The following SATL1 variants were observed in gnomAD, a reference collection of about 807,000 sequenced individuals.
SATL1 encodes the protein spermidine/spermine N(1)-acetyltransferase-like protein 1.
SATL1 carries 47 observed loss-of-function variants against 51.8 expected under a neutral mutation model. The observed-to-expected ratio is 0.91, with a 90% CI of 0.72 to 1.16. The LOEUF is 1.16. Ranked by LOEUF, SATL1 falls within the 50% of genes most tolerant of loss-of-function variation. SATL1 has a pLI of 0.00. For missense variants in SATL1, 520 were observed against 526.4 expected (o/e 0.99, Z 0.12); for synonymous variants, 176 against 182.4 (o/e 0.97, Z 0.28).
chrX:85,095,068 A>G, intron 4 of SATL1, 72 bp from the exon 5 acceptor site: 1 of 581,596 alleles, frequency 1.7e-6, no homozygotes, highest in Non-Finnish European at 2.9e-6. Context: ...GATAGGAAGC[A>G]CTAGGAATTT....
In SATL1 at chrX:85,161,693, G is replaced by C. The variant is rs1174373741; in HGVS notation, c.-312-52413C>G. Among the ~76,000 whole-genome samples the C allele has an allele frequency of 2.7e-5, 3 of 110,693 alleles. No homozygotes were observed. In the East Asian group the frequency reaches 8.5e-4, roughly 31 times the overall value. ...GCAGGTTCTTAGAGACCTACAAAGA[G>C]ACTTAAACTCCCACATAATAATAAT... On this transcript the variant is annotated intron_variant, in intron 2 of 7. Transcript: ENST00000644105.
intron 2 of SATL1, among the ~76,000 whole-genome samples, chrX:85,216,877 G>A (rs1158855452): frequency 1.8e-5 from 2 of 111,745 alleles, no homozygotes; most frequent in African/African-American, 6.5e-5. Context: ...CTTTAAAGAG[G>A]ACTAAAATTG....
intron 2 of SATL1, among the ~76,000 whole-genome samples, chrX:85,176,854 T>C (rs1656377021): frequency 9.0e-6 from 1 of 111,377 alleles, no homozygotes. Flanking sequence ...AATAAAAGTA[T>C]GTTTTAAAAG....
intron 3 of SATL1, among the ~76,000 whole-genome samples, chrX:85,104,802 A>T (rs1291756851): frequency 1.8e-5 from 2 of 111,764 alleles, no homozygotes; most frequent in African/African-American, 6.5e-5. Flanking sequence ...ATATTATGTA[A>T]ATAGTTATAC....
chrX:85,137,194 G>T (rs1281786171), intron 2 of SATL1, among the ~76,000 whole-genome samples: 1 of 111,509 alleles, frequency 9.0e-6, no homozygotes, highest in Non-Finnish European at 1.9e-5. Context: ...ATGCAGAGAA[G>T]TTTATAGTTG....
At chrX:85,151,796 C>T (rs1288641514) in intron 2 of SATL1, among the ~76,000 whole-genome samples, 1 of 111,760 alleles carries the variant, frequency 8.9e-6, no homozygotes, top group East Asian at 2.8e-4. Flanking sequence ...CCCTTCCTTA[C>T]ACCTTATACA....
chrX:85,119,396 A>G (rs1186571207), intron 2 of SATL1, among the ~76,000 whole-genome samples: 1 of 111,703 alleles, frequency 9.0e-6, no homozygotes, highest in Non-Finnish European at 1.9e-5. Flanking sequence ...CAGGTTCCAG[A>G]TTCAGAGCTA....
At chrX:85,212,993 A>G (rs1200301554) in intron 2 of SATL1, 1 of 112,147 alleles carries the variant, frequency 8.9e-6, no homozygotes, top group African/African-American at 3.2e-5. Context: ...AGTTTAGTTT[A>G]TATGACTCAC....
chrX:85,193,689 A>G (rs976849658), intron 2 of SATL1, among the ~76,000 whole-genome samples: 3 of 111,462 alleles, frequency 2.7e-5, no homozygotes, highest in African/African-American at 9.8e-5. Context: ...ACCCTTAACT[A>G]GACTTCAGTA....
At chrX:85,202,076 CCA>C (rs1194803051) in intron 2 of SATL1, among the ~76,000 whole-genome samples, 1 of 111,971 alleles carries the variant, frequency 8.9e-6, no homozygotes, top group Non-Finnish European at 1.9e-5. Flanking sequence ...TGCACTCCCA[CCA>C]CAGTGTATAA....
chrX:85,188,992 A>G (rs1471299408), intron 2 of SATL1, among the ~76,000 whole-genome samples: 1 of 112,241 alleles, frequency 8.9e-6, no homozygotes, highest in Non-Finnish European at 1.9e-5. Context: ...CAGTGAATAA[A>G]GTAAATTTTT....
intron 2 of SATL1, among the ~76,000 whole-genome samples, chrX:85,134,995 C>G (rs892129555): frequency 2.7e-5 from 3 of 111,810 alleles, no homozygotes; most frequent in Non-Finnish European, 3.8e-5. Context: ...TATGCAGCCA[C>G]AAAAAAGAAC....
Position 85,118,086 on chromosome X carries a change from G to GTTTTTTTTTTTTTTTTTTTTT in SATL1, c.-312-8807_-312-8806insAAAAAAAAAAAAAAAAAAAAA, listed in dbSNP as rs780585183. Among the ~76,000 whole-genome samples the GTTTTTTTTTTTTTTTTTTTTT allele has an allele frequency of 8.5e-4, 33 of 38,797 alleles. 1 individual carries two copies. Among genetic ancestry groups the GTTTTTTTTTTTTTTTTTTTTT allele is most frequent in the Non-Finnish European group, 1.8e-3 (25 of 13,763 alleles). 33.7% of individuals were successfully genotyped at this position (38,797 alleles called of 115,157 possible). A position where few individuals can be genotyped will look rare whatever the true frequency, so the allele number is the denominator to read the frequency against. Reference sequence around the variant, plus strand: ...GTTTTGCAAATAAAAAAAGAACTTAGCTTTTTTTTTTTTTTTTCCAGAGTG... The same window carrying GTTTTTTTTTTTTTTTTTTTTT: ...GTTTTGCAAATAAAAAAAGAACTTAGTTTTTTTTTTTTTTTTTTTTTCTTTTTTTTTTTTTTTTCCAGAGTG... On this transcript the variant is annotated intron_variant, in intron 2 of 7. Transcript: ENST00000644105.
chrX:85,104,647 G>C (rs1371080031), intron 3 of SATL1, among the ~76,000 whole-genome samples: 2 of 110,349 alleles, frequency 1.8e-5, no homozygotes, highest in Admixed American at 9.8e-5. Flanking sequence ...ATTAGTTTCA[G>C]GACCTGCTCC....
At chrX:85,147,288 A>T (rs1484587156) in intron 2 of SATL1, among the ~76,000 whole-genome samples, 1 of 112,725 alleles carries the variant, frequency 8.9e-6, no homozygotes, top group Non-Finnish European at 1.9e-5. Flanking sequence ...GCCATTGCCC[A>T]GGCTTGCTTA....
Position 85,125,550 on chromosome X carries a change from G to C in SATL1, c.-312-16270C>G, listed in dbSNP as rs970977226. Reference sequence around the variant, plus strand: ...TGTGTGTGTGTGTGTGTGTGTGTAAGAGACAGAGAAGAATGATAGAATTGT... The same window carrying C: ...TGTGTGTGTGTGTGTGTGTGTGTAACAGACAGAGAAGAATGATAGAATTGT... On this transcript the variant is annotated intron_variant, in intron 2 of 7. Transcript: ENST00000644105. Among the ~76,000 whole-genome samples, 10 of 108,160 alleles carry C rather than the reference G, an allele frequency of 9.2e-5. No individual in the cohort carries two copies. The East Asian group carries it at 2.6e-3, about 29-fold the overall frequency. 93.9% of individuals were successfully genotyped at this position (108,160 alleles called of 115,157 possible).
intron 2 of SATL1, among the ~76,000 whole-genome samples, chrX:85,152,210 A>T (rs1255081078): frequency 8.9e-6 from 1 of 112,181 alleles, no homozygotes; most frequent in East Asian, 2.8e-4. Flanking sequence ...AAAGACACAT[A>T]AAAAAATGCT....
intron 1 of SATL1, among the ~76,000 whole-genome samples, chrX:85,235,981 A>G (rs1166982799): frequency 9.0e-6 from 1 of 111,433 alleles, no homozygotes; most frequent in Non-Finnish European, 1.9e-5. Flanking sequence ...AAGTAAATAA[A>G]ATTATAGAGA....
intron 2 of SATL1, among the ~76,000 whole-genome samples, chrX:85,222,482 C>T (rs1223751368): frequency 9.0e-6 from 1 of 111,193 alleles, no homozygotes; most frequent in South Asian, 3.8e-4. Context: ...TCTTACCTGA[C>T]TTTTCCAAAC....
Sources: gnomAD v4.1 joint callset for allele counts (sites outside exome capture counted in the v4.1 genomes callset) on GRCh38, gnomAD v4.1.1 for gene constraint, MANE v1.5 for transcripts, NCBI Gene and HGNC (gene_info 2026-07-23, HGNC 2026-07-21) for gene names.